Variants in TBL1X observed in about 807,000 individuals in gnomAD.
TBL1X encodes the protein F-box-like/WD repeat-containing protein TBL1X.
In TBL1X, 10 loss-of-function variants were observed where a neutral mutation model predicts 50.7. That is an observed-to-expected ratio of 0.20 (90% CI 0.12 to 0.33). The LOEUF is 0.33. Among genes scored for constraint, TBL1X ranks in the 10% least tolerant of loss-of-function variants. The pLI, the probability that TBL1X is intolerant of heterozygous loss-of-function variation, is 1.00. For synonymous variants in TBL1X, 190 were observed against 214.7 expected, an observed-to-expected ratio of 0.88 and a Z score of 1.01; for missense variants, 340 against 504.4, an observed-to-expected ratio of 0.67 and a Z score of 3.12.
chrX:9,582,151 G>A (rs1263414768), intron 2 of TBL1X, among the ~76,000 whole-genome samples: 1 of 112,194 alleles, frequency 8.9e-6, no homozygotes, highest in Non-Finnish European at 1.9e-5. Flanking sequence ...TTTCAGTATT[G>A]CAAAGGTCCC....
At chrX:9,600,263 C>T (rs1013300998) in intron 2 of TBL1X, among the ~76,000 whole-genome samples, 2 of 109,974 alleles carry the variant, frequency 1.8e-5, no homozygotes, top group South Asian at 8.2e-4. Flanking sequence ...GTTTTGGTGT[C>T]TGGTGAGGGC....
At chrX:9,642,251 T>C (rs1426042476) in intron 3 of TBL1X, among the ~76,000 whole-genome samples, 2 of 111,967 alleles carry the variant, frequency 1.8e-5, no homozygotes, top group East Asian at 5.6e-4. Context: ...CATTTATACA[T>C]GACTGAGTGT....
Position 9,706,544 on chromosome X carries a change from A to G in TBL1X, c.1236+1430A>G, listed in dbSNP as rs2083208684. ...CAAACACCAGAATCAATGACAGAGA[A>G]AATCCTAAAGGCAAGCAGAGGCTGA... On this transcript the variant is annotated intron_variant, in intron 13 of 17. Transcript: ENST00000645353. 4.5e-5 allele frequency among the ~76,000 whole-genome samples: 5 copies of G among 111,283 alleles called. No homozygotes were observed. The South Asian group carries it at 1.9e-3, about 42-fold the overall frequency.
chrX:9,631,851 C>G lies in TBL1X; in HGVS notation c.-130-8422C>G, dbSNP rs762415855. Among the ~76,000 whole-genome samples the G allele has an allele frequency of 5.0e-4, 56 of 112,766 alleles. No individual in the cohort carries two copies. The South Asian group carries it at 0.012, about 24-fold the overall frequency. On this transcript the variant is annotated intron_variant, in intron 2 of 17. Coordinates refer to ENST00000645353, the MANE Select transcript of TBL1X (RefSeq NM_005647.4). ...TTTTCCATCCGAAGTTTTTCTTCCC[C>G]TTCATGGACTCCCTTCAGTCTGTCT...
chrX:9,656,548 C>G (rs1405240894), intron 5 of TBL1X, among the ~76,000 whole-genome samples: 2 of 112,949 alleles, frequency 1.8e-5, no homozygotes, highest in African/African-American at 6.4e-5. Flanking sequence ...CTTCTGTAAC[C>G]AGGCAGCTGA....
chrX:9,592,429 C>G (rs760844729), intron 2 of TBL1X, among the ~76,000 whole-genome samples: 3 of 112,033 alleles, frequency 2.7e-5, no homozygotes, highest in Non-Finnish European at 5.6e-5. Flanking sequence ...GACCACGTTA[C>G]TAAAACTTTC....
At chrX:9,485,718 A>C (rs1416602292) in intron 1 of TBL1X, among the ~76,000 whole-genome samples, 1 of 111,031 alleles carries the variant, frequency 9.0e-6, no homozygotes, top group Admixed American at 9.6e-5. Context: ...ATAGCTAGTC[A>C]TCAGGCTTGC....
At chrX:9,643,212 C>A (rs2082785056) in intron 3 of TBL1X, among the ~76,000 whole-genome samples, 1 of 111,120 alleles carries the variant, frequency 9.0e-6, no homozygotes, top group African/African-American at 3.3e-5. Flanking sequence ...GTTGTCACCA[C>A]TGGGGGAGTG....
intron 2 of TBL1X, among the ~76,000 whole-genome samples, chrX:9,617,520 G>T (rs1346185855): frequency 8.9e-6 from 1 of 112,286 alleles, no homozygotes; most frequent in African/African-American, 3.2e-5. Flanking sequence ...TAACCAAATG[G>T]CATAGCTACA....
chrX:9,465,153 G>T lies in TBL1X; in HGVS notation c.-495G>T. The T allele has an allele frequency of 8.7e-6, 1 of 114,668 alleles. No individual in the cohort carries two copies. The highest frequency in any genetic ancestry group is 9.3e-5 in the Admixed American group (1 of 10,726). The allele number at this position is 114,668 out of a possible 1,213,427, so 9.4% of individuals were successfully genotyped here. A position where few individuals can be genotyped will look rare whatever the true frequency, so the allele number is the denominator to read the frequency against. On this transcript the variant is annotated 5_prime_UTR_variant, in exon 1 of 18. Transcript: ENST00000645353. The stretch of plus-strand genomic sequence containing the variant: ...TGCCGCCGCCGCCGCCGCCGCGCCC[G>T]CCTCAGCGCCCCCACTCCGCGCTTG...
chrX:9,586,722 G>C (rs1329470182), intron 2 of TBL1X, among the ~76,000 whole-genome samples: 2 of 111,482 alleles, frequency 1.8e-5, no homozygotes, highest in Non-Finnish European at 3.8e-5. Flanking sequence ...GCAACATAGT[G>C]AGACCCCATC....
At chrX:9,665,520 TATATATATATATATATATAA>T (rs1424241505) in intron 5 of TBL1X, among the ~76,000 whole-genome samples, 2 of 49,022 alleles carry the variant, frequency 4.1e-5, no homozygotes, top group African/African-American at 1.3e-4. Context: ...TATATATATA[TATATATATATATATATATAA>T]AAGGCCTTGG....
intron 5 of TBL1X, among the ~76,000 whole-genome samples, chrX:9,660,118 G>C (rs1168647106): frequency 8.8e-6 from 1 of 113,007 alleles, no homozygotes; most frequent in Non-Finnish European, 1.9e-5. Flanking sequence ...CCAGATAGCA[G>C]GATTCCGCAG....
chrX:9,659,532 T>C (rs1180992923), intron 5 of TBL1X, among the ~76,000 whole-genome samples: 2 of 112,775 alleles, frequency 1.8e-5, no homozygotes, highest in African/African-American at 6.5e-5. Context: ...TTGCGTTCTT[T>C]CCAGGTTTTG....
chrX:9,611,927 C>T lies in TBL1X; in HGVS notation c.-130-28346C>T, dbSNP rs62583290. 1.8e-3 allele frequency among the ~76,000 whole-genome samples: 199 copies of T among 112,363 alleles called. 1 individual carries two copies. The highest frequency in any genetic ancestry group is 2.8e-3 in the Non-Finnish European group (149 of 53,191). Reference sequence around the variant, plus strand: ...GTTTGTAACCCTCCGTGCAGCCTGCCAGGTCAGCGGCCCCAAAATGGAGAG... The same window carrying T: ...GTTTGTAACCCTCCGTGCAGCCTGCTAGGTCAGCGGCCCCAAAATGGAGAG... On this transcript the variant is annotated intron_variant, in intron 2 of 17. Transcript: ENST00000645353.
chrX:9,547,103 C>A (rs2082248193), intron 2 of TBL1X, among the ~76,000 whole-genome samples: 1 of 110,365 alleles, frequency 9.1e-6, no homozygotes, highest in South Asian at 3.9e-4. Context: ...CAGGCGTGGG[C>A]CACCGCGCCC....
intron 2 of TBL1X, among the ~76,000 whole-genome samples, chrX:9,588,395 G>A (rs1485815769): frequency 1.8e-5 from 2 of 111,461 alleles, no homozygotes; most frequent in East Asian, 5.6e-4. Context: ...TTTTGGCTAA[G>A]TGAATAATAT....
chrX:9,690,442 T>C lies in TBL1X; in HGVS notation c.617-1137T>C, dbSNP rs147202565. 8.5e-3 allele frequency among the ~76,000 whole-genome samples: 945 copies of C among 111,240 alleles called. 14 individuals are homozygous for C. Among genetic ancestry groups the C allele is most frequent in the African/African-American group, 0.029 (890 of 30,614 alleles). On this transcript the variant is annotated intron_variant, in intron 7 of 17. Coordinates refer to ENST00000645353, the MANE Select transcript of TBL1X (RefSeq NM_005647.4). ...TGTCTTCACGTGCTCGTTCCTCTGG[T>C]TGTGTCTGTGTCCTGATCTCCTCTT...
intron 3 of TBL1X, chrX:9,645,163 C>T (rs181190523): frequency 0.018 from 2,028 of 111,650 alleles, 49 homozygotes; most frequent in African/African-American, 0.06. Flanking sequence ...GGCACGATGT[C>T]GGCTCACTGC....
Sources: allele counts gnomAD v4.1 joint callset (sites outside exome capture counted in the v4.1 genomes callset), GRCh38; gene constraint gnomAD v4.1.1; transcripts MANE v1.5; gene names NCBI Gene and HGNC (gene_info 2026-07-23, HGNC 2026-07-21).